ADAM7: variants seen among roughly 807,000 people sequenced by gnomAD.
The protein encoded by ADAM7 is disintegrin and metalloproteinase domain-containing protein 7.
ADAM7 carries 97 observed loss-of-function variants against 102.9 expected under a neutral mutation model. The observed-to-expected ratio is 0.94, with a 90% CI of 0.80 to 1.12. The LOEUF (loss-of-function observed/expected upper bound fraction) is 1.12, where lower values mean the gene tolerates loss of function less well. Ranked by LOEUF, ADAM7 falls within the 50% of genes most tolerant of loss-of-function variation. The pLI is 0.00. For synonymous variants in ADAM7, 334 were observed against 304.4 expected (o/e 1.10, Z -1.01); for missense variants, 991 against 908.7 (o/e 1.09, Z -1.16).
At chr8:24,465,627 A>G in intron 4 of ADAM7, 72 bp from the exon 5 acceptor site, 1 of 893,208 alleles carries the variant, frequency 1.1e-6, no homozygotes, top group Non-Finnish European at 1.6e-6. Flanking sequence ...CTGAACAGAA[A>G]ATATTTAGAT....
intron 20 of ADAM7, chr8:24,505,967 G>C: frequency 1.4e-6 from 1 of 701,382 alleles, no homozygotes; most frequent in Non-Finnish European, 2.4e-6. Context: ...TTGTCTTATA[G>C]ACAGGCCCTG....
intron 3 of ADAM7, 25 bp from the exon 4 acceptor site, chr8:24,463,857 A>C: frequency 6.3e-7 from 1 of 1,591,514 alleles, no homozygotes; most frequent in East Asian, 2.2e-5. Flanking sequence ...AACAAATCTC[A>C]CCACCTGTCT....
chr8:24,499,942 T>A (rs1820696977), intron 17 of ADAM7, among the ~76,000 whole-genome samples: 1 of 152,160 alleles, frequency 6.6e-6, no homozygotes, highest in South Asian at 2.1e-4. Context: ...GCCTTTGAAT[T>A]TGTCAGTATC....
At chr8:24,507,402 C>T (rs746997472) in intron 20 of ADAM7, 78 bp from the exon 21 acceptor site, 90 of 1,169,648 alleles carry the variant, frequency 7.7e-5, no homozygotes, top group Non-Finnish European at 1.1e-4. Flanking sequence ...TATGTGTGCA[C>T]ATGCATGTCT....
At chr8:24,476,632 C>A in intron 8 of ADAM7, 128 bp downstream of exon 8, 1 of 549,110 alleles carries the variant, frequency 1.8e-6, no homozygotes, top group Non-Finnish European at 3.1e-6. Flanking sequence ...GACTAATAAG[C>A]AAAAATCCAC....
At chr8:24,456,212 G>A (rs533075970) in intron 3 of ADAM7, among the ~76,000 whole-genome samples, 1 of 152,238 alleles carries the variant, frequency 6.6e-6, no homozygotes, top group South Asian at 2.1e-4. Context: ...ACATATAAAT[G>A]AGATTATGCA....
chr8:24,477,166 T>C (rs1819794747), intron 8 of ADAM7, among the ~76,000 whole-genome samples: 1 of 152,222 alleles, frequency 6.6e-6, no homozygotes, highest in Non-Finnish European at 1.5e-5. Context: ...AATATTTGTA[T>C]ATAGTTGTAT....
chr8:24,503,937 G>C lies in ADAM7; in HGVS notation c.2208+2361G>C, dbSNP rs959091336. 1.1e-4 allele frequency among the ~76,000 whole-genome samples: 16 copies of C among 151,948 alleles called. No homozygotes were observed. The East Asian group carries it at 2.1e-3, about 20-fold the overall frequency. On this transcript the variant is annotated intron_variant, in intron 20 of 21. Coordinates refer to ENST00000175238, the MANE Select transcript of ADAM7 (RefSeq NM_003817.4). ...AAATACCTAATGTAGGTGACAAGTT[G>C]ATGGGTGCAGCAAACCACCATGCCA... is the stretch of plus-strand genomic sequence containing the variant.
At chr8:24,441,294 A>C (rs1294883455) in intron 1 of ADAM7, 134 bp downstream of exon 1, 27 of 829,868 alleles carry the variant, frequency 3.3e-5, no homozygotes, top group Non-Finnish European at 5.1e-5. Flanking sequence ...ACTAGATTAC[A>C]GCTAATCATG....
intron 16 of ADAM7, among the ~76,000 whole-genome samples, chr8:24,496,275 G>T (rs1820549555): frequency 6.6e-6 from 1 of 152,256 alleles, no homozygotes; most frequent in Non-Finnish European, 1.5e-5. Flanking sequence ...AAGATGTATG[G>T]AAATGCCTGG....
rs963116648 is a variant in ADAM7 at position 24,489,537 on chromosome 8, G to C, written c.1266+204G>C. ...CTTCTTATCAAGTCATGAAACATGT[G>C]TAATGACCTTGCTGGAGATCAGCAG... On this transcript the variant is annotated intron_variant, in intron 12 of 21. Transcript: ENST00000175238. Among the ~76,000 whole-genome samples, 6 of 152,258 alleles carry C rather than the reference G, an allele frequency of 3.9e-5. 1 individual carries two copies. The highest frequency in any genetic ancestry group is 2.0e-4 in the Admixed American group (3 of 15,290).
chr8:24,456,522 C>T (rs1221101630), intron 3 of ADAM7, among the ~76,000 whole-genome samples: 2 of 152,084 alleles, frequency 1.3e-5, no homozygotes, highest in Non-Finnish European at 1.5e-5. Context: ...ATCCATTGAG[C>T]TCTGGCAAAT....
chr8:24,472,077 G>A (rs1253113217), intron 7 of ADAM7, among the ~76,000 whole-genome samples: 14 of 132,340 alleles, frequency 1.1e-4, no homozygotes, highest in Non-Finnish European at 3.3e-5. Flanking sequence ...GCACCAAAAG[G>A]ATACAAAATA....
At chr8:24,472,324 C>T (rs1267437796) in intron 7 of ADAM7, among the ~76,000 whole-genome samples, 1 of 151,370 alleles carries the variant, frequency 6.6e-6, no homozygotes, top group African/African-American at 2.4e-5. Context: ...GTACAAATAA[C>T]ATATTTGAAA....
At chr8:24,442,393 A>T in intron 1 of ADAM7, 80 bp from the exon 2 acceptor site, 1 of 952,648 alleles carries the variant, frequency 1.0e-6, no homozygotes, top group Non-Finnish European at 1.7e-6. Flanking sequence ...AATGAACTGT[A>T]TTAGAACAAT....
chr8:24,469,714 G>A (rs1220905473), intron 7 of ADAM7, among the ~76,000 whole-genome samples: 2 of 152,086 alleles, frequency 1.3e-5, no homozygotes, highest in Admixed American at 6.6e-5. Flanking sequence ...TATTAAAGAT[G>A]TAAAAATGAA....
intron 3 of ADAM7, among the ~76,000 whole-genome samples, chr8:24,459,379 G>C (rs1361726128): frequency 6.6e-6 from 1 of 151,616 alleles, no homozygotes; most frequent in Non-Finnish European, 1.5e-5. Flanking sequence ...TCTATTATTG[G>C]TAATTTGGGT....
chr8:24,445,655 A>T (rs1818529526), intron 2 of ADAM7, among the ~76,000 whole-genome samples: 1 of 152,164 alleles, frequency 6.6e-6, no homozygotes, highest in African/African-American at 2.4e-5. Context: ...CATTATCTAC[A>T]AGAAGTAAAG....
chr8:24,455,613 C>T (rs1175332294), intron 3 of ADAM7, among the ~76,000 whole-genome samples: 2 of 152,202 alleles, frequency 1.3e-5, no homozygotes, highest in South Asian at 2.1e-4. Flanking sequence ...ACCCTGTTAT[C>T]CAGGCTGGTC....
Sources: gnomAD v4.1 joint callset for allele counts (sites outside exome capture counted in the v4.1 genomes callset) on GRCh38, gnomAD v4.1.1 for gene constraint, MANE v1.5 for transcripts, NCBI Gene and HGNC (gene_info 2026-07-23, HGNC 2026-07-21) for gene names.